Variants in PTPRJ observed in about 807,000 individuals in gnomAD.
The protein encoded by PTPRJ is receptor-type tyrosine-protein phosphatase eta.
In PTPRJ, 129 loss-of-function variants were observed where a neutral mutation model predicts 141.3. That is an observed-to-expected ratio of 0.91 (90% CI 0.79 to 1.06). The LOEUF (loss-of-function observed/expected upper bound fraction) is 1.06. Among genes scored for constraint, PTPRJ ranks in the 50% least tolerant of loss-of-function variants. The pLI, the probability that PTPRJ is intolerant of heterozygous loss-of-function variation, is 0.00. For missense variants in PTPRJ, 1,601 were observed against 1,679.7 expected (o/e 0.95, Z 0.82); for synonymous variants, 610 against 640.5 (o/e 0.95, Z 0.72).
intron 21 of PTPRJ, 46 bp downstream of exon 21, chr11:48,156,165 CT>C (rs1857594402): frequency 4.7e-6 from 7 of 1,475,652 alleles, no homozygotes; most frequent in Non-Finnish European, 6.5e-6. Context: ...ACATTAATTG[CT>C]TTTTATTGTG....
At chr11:48,063,356 A>G (rs1854992554) in intron 1 of PTPRJ, among the ~76,000 whole-genome samples, 1 of 152,194 alleles carries the variant, frequency 6.6e-6, no homozygotes, top group African/African-American at 2.4e-5. Flanking sequence ...AACAACAAGA[A>G]CAAAAGAAAA....
intron 21 of PTPRJ, among the ~76,000 whole-genome samples, chr11:48,159,667 G>T (rs1258691790): frequency 1.3e-5 from 2 of 152,216 alleles, no homozygotes; most frequent in Non-Finnish European, 2.9e-5. Context: ...GAGGCATGAG[G>T]ATTGCTTGAG....
At chr11:48,165,259 T>G (rs530974453) in intron 24 of PTPRJ, among the ~76,000 whole-genome samples, 56 of 152,376 alleles carry the variant, frequency 3.7e-4, no homozygotes, top group Non-Finnish European at 6.2e-4. Flanking sequence ...TAATGCTGCT[T>G]AAATGTTAAT....
chr11:47,983,691 G>T (rs1279499293), intron 1 of PTPRJ, among the ~76,000 whole-genome samples: 1 of 152,140 alleles, frequency 6.6e-6, no homozygotes, highest in African/African-American at 2.4e-5. Context: ...TTTGGTTTGT[G>T]TGTATGTTTT....
At chr11:48,068,735 T>G (rs1393792722) in intron 1 of PTPRJ, among the ~76,000 whole-genome samples, 1 of 152,216 alleles carries the variant, frequency 6.6e-6, no homozygotes, top group Non-Finnish European at 1.5e-5. Flanking sequence ...AGAGCCAGGA[T>G]GGTCCATGCA....
At chr11:48,093,427 T>C (rs1855921089) in intron 1 of PTPRJ, among the ~76,000 whole-genome samples, 1 of 152,268 alleles carries the variant, frequency 6.6e-6, no homozygotes, top group East Asian at 1.9e-4. Context: ...TGACCATCCA[T>C]GTGCTGCTTT....
rs147639990 is a variant in PTPRJ, at chr11:48,127,859, C to T, written c.1173C>T (p.Asn391=). 29 of 1,614,188 alleles carry T rather than the reference C, an allele frequency of 1.8e-5. No individual in the cohort carries two copies. Among genetic ancestry groups the T allele is most frequent in the African/African-American group, 1.1e-4 (8 of 75,044 alleles). The change falls in exon 7 of 25, where the codon AAC becomes AAT. Residue 391 remains asparagine, a synonymous_variant. Coordinates refer to ENST00000418331, the MANE Select transcript of PTPRJ (RefSeq NM_002843.4). The part of the protein sequence containing the change: ...SLTLIWKVSD[N]ESSSNYTYKI... ...CCCTGATCTGGAAAGTCAGCGATAACGAGTCGTCATCTAACTATACCTACA... is the reference window on the plus strand; with the variant it reads ...CCCTGATCTGGAAAGTCAGCGATAATGAGTCGTCATCTAACTATACCTACA...
intron 11 of PTPRJ, among the ~76,000 whole-genome samples, chr11:48,142,524 C>T (rs927110083): frequency 3.9e-5 from 6 of 152,084 alleles, no homozygotes; most frequent in East Asian, 3.8e-4. Context: ...TTTATTTTAT[C>T]GATGTTTTGT....
chr11:48,000,820 C>T (rs1370201339), intron 1 of PTPRJ, among the ~76,000 whole-genome samples: 2 of 151,932 alleles, frequency 1.3e-5, no homozygotes, highest in Admixed American at 1.3e-4. Flanking sequence ...ATTATGAGTT[C>T]AGGGGAGTGG....
chr11:48,112,603 A>G, intron 2 of PTPRJ, 144 bp from the exon 3 acceptor site: 1 of 664,448 alleles, frequency 1.5e-6, no homozygotes, highest in Non-Finnish European at 2.6e-6. Context: ...CTCATGTTGT[A>G]GGTGATGATA....
Position 48,134,154 on chromosome 11 carries a change from A to G in PTPRJ, c.1616-1885A>G, listed in dbSNP as rs116163630. Among the ~76,000 whole-genome samples, 1,522 of 152,232 alleles carry G rather than the reference A, an allele frequency of 1.0e-2. 23 individuals carry two copies. Among genetic ancestry groups the G allele is most frequent in the African/African-American group, 0.035 (1,436 of 41,532 alleles). On this transcript the variant is annotated intron_variant, in intron 8 of 24. Transcript: ENST00000418331. ...AAAATGAAAAGGAACAAATATCTCT[A>G]TTTTTCTAACCCAACTGAATTCCTT...
chr11:48,145,064 G>A lies in PTPRJ; in HGVS notation c.2851G>A (p.Ala951Thr), dbSNP rs1402006404. ...HPQNKGLIDG[A>T]ESYVSFSRYS... ...TCAAAACAAGGGGCTCATTGATGGG[G>A]CTGAGAGCTATGTGTCCTTCAGTCG... Residue 951 changes from alanine (A) to threonine (T), a missense_variant, in exon 14 of 25, where the codon GCT (alanine) becomes ACT (threonine). Ala to Thr is a moderately conservative substitution (Grantham distance 58). Coordinates refer to ENST00000418331, the MANE Select transcript of PTPRJ (RefSeq NM_002843.4). The A allele has an allele frequency of 1.9e-6, 3 of 1,614,198 alleles. No individual in the cohort carries two copies. Among genetic ancestry groups the A allele is most frequent in the Non-Finnish European group, 2.5e-6 (3 of 1,180,026 alleles).
intron 1 of PTPRJ, among the ~76,000 whole-genome samples, chr11:48,103,930 C>T (rs1163780722): frequency 2.0e-5 from 3 of 152,178 alleles, no homozygotes; most frequent in Admixed American, 6.5e-5. Context: ...GATGAGCCAG[C>T]GGGGATCTTT....
At chr11:48,091,186 G>A (rs1565298184) in intron 1 of PTPRJ, among the ~76,000 whole-genome samples, 1 of 152,102 alleles carries the variant, frequency 6.6e-6, no homozygotes, top group Non-Finnish European at 1.5e-5. Flanking sequence ...GGAGCTGCAG[G>A]CGAGTTGTCT....
chr11:48,118,761 C>A (rs752107288), intron 3 of PTPRJ, among the ~76,000 whole-genome samples: 1 of 152,166 alleles, frequency 6.6e-6, no homozygotes, highest in Non-Finnish European at 1.5e-5. Context: ...GTTAACTGTG[C>A]TTTCTTTTCT....
At chr11:47,993,627 C>A (rs1854253736) in intron 1 of PTPRJ, among the ~76,000 whole-genome samples, 1 of 152,046 alleles carries the variant, frequency 6.6e-6, no homozygotes, top group African/African-American at 2.4e-5. Context: ...TTAATGACCA[C>A]CATCCAGTAG....
At chr11:48,037,835 T>C (rs1854166204) in intron 1 of PTPRJ, among the ~76,000 whole-genome samples, 1 of 151,754 alleles carries the variant, frequency 6.6e-6, no homozygotes, top group Admixed American at 6.6e-5. Flanking sequence ...AAAAAATATA[T>C]TCCACACACC....
intron 1 of PTPRJ, among the ~76,000 whole-genome samples, chr11:48,034,773 A>G (rs1289232250): frequency 6.6e-6 from 1 of 152,192 alleles, no homozygotes; most frequent in Non-Finnish European, 1.5e-5. Flanking sequence ...TAGGTTCTTC[A>G]CCATTATACT....
At chr11:48,071,322 A>AT (rs879457113) in intron 1 of PTPRJ, among the ~76,000 whole-genome samples, 55 of 147,262 alleles carry the variant, frequency 3.7e-4, no homozygotes, top group Middle Eastern at 3.6e-3. Context: ...AGACTGAGTA[A>AT]TTTTTTTTTT....
Sources: gnomAD v4.1 joint callset for allele counts (sites outside exome capture counted in the v4.1 genomes callset) on GRCh38, gnomAD v4.1.1 for gene constraint, MANE v1.5 for transcripts, NCBI Gene and HGNC (gene_info 2026-07-23, HGNC 2026-07-21) for gene names.